PTGFR: variants seen among roughly 807,000 people sequenced by gnomAD.
PTGFR encodes the protein prostaglandin F2-alpha receptor.
Under a neutral mutation model 26.2 loss-of-function variants are expected in PTGFR, and 15 were observed. That is an observed-to-expected ratio of 0.57 (90% confidence interval 0.38 to 0.88). The LOEUF is 0.88. Among genes scored for constraint, PTGFR ranks in the 40% least tolerant of loss-of-function variants. The probability of loss-of-function intolerance (pLI) is 0.00; values close to 1 mark genes in which losing one functional copy is unlikely to be tolerated. For synonymous variants in PTGFR, 165 were observed against 151.1 expected, an observed-to-expected ratio of 1.09 and a Z score of -0.68; for missense variants, 369 against 427.2, an observed-to-expected ratio of 0.86 and a Z score of 1.20.
intron 2 of PTGFR, among the ~76,000 whole-genome samples, chr1:78,510,973 C>T (rs1019391065): frequency 1.2e-4 from 18 of 152,286 alleles, no homozygotes; most frequent in Middle Eastern, 3.4e-3. Context: ...CTCCATGTCC[C>T]ACACTCAGGG....
intron 2 of PTGFR, among the ~76,000 whole-genome samples, chr1:78,533,531 A>G (rs1211909801): frequency 2.0e-5 from 3 of 152,134 alleles, no homozygotes; most frequent in African/African-American, 7.2e-5. Context: ...CTTCAGTTAC[A>G]TTTCTGTTTT....
At chr1:78,532,510 G>GTATATATGTGTGTA (rs1650542858) in intron 2 of PTGFR, among the ~76,000 whole-genome samples, 1 of 105,562 alleles carries the variant, frequency 9.5e-6, no homozygotes, top group African/African-American at 5.3e-5. Context: ...ATTTGTGTGT[G>GTATATATGTGTGTA]TATATGTGTA....
intron 2 of PTGFR, among the ~76,000 whole-genome samples, chr1:78,496,496 AT>A (rs1649555768): frequency 6.6e-6 from 1 of 152,046 alleles, no homozygotes; most frequent in Non-Finnish European, 1.5e-5. Context: ...TTGTATTTGA[AT>A]GAACATCTGC....
At chr1:78,526,815 A>G (rs1650384870) in intron 2 of PTGFR, among the ~76,000 whole-genome samples, 1 of 152,062 alleles carries the variant, frequency 6.6e-6, no homozygotes, top group Non-Finnish European at 1.5e-5. Context: ...CATTTCAAAG[A>G]TGGGCTACAG....
At chr1:78,513,235 G>C (rs550405950) in intron 2 of PTGFR, among the ~76,000 whole-genome samples, 48 of 152,312 alleles carry the variant, frequency 3.2e-4, no homozygotes, top group Non-Finnish European at 6.2e-4. Context: ...ATGAGGGAAA[G>C]TTGGAAACTT....
At chr1:78,502,201 T>A (rs1243122635) in intron 2 of PTGFR, among the ~76,000 whole-genome samples, 2 of 152,172 alleles carry the variant, frequency 1.3e-5, no homozygotes. Context: ...GTATTAATTA[T>A]TAGATCAGAG....
chr1:78,520,902 C>G (rs1650206219), intron 2 of PTGFR, among the ~76,000 whole-genome samples: 1 of 151,978 alleles, frequency 6.6e-6, no homozygotes, highest in Non-Finnish European at 1.5e-5. Context: ...TTAACCTTGT[C>G]ATTTCATAAT....
At chr1:78,510,294 C>T (rs913276921) in intron 2 of PTGFR, among the ~76,000 whole-genome samples, 3 of 152,166 alleles carry the variant, frequency 2.0e-5, no homozygotes, top group Admixed American at 6.5e-5. Flanking sequence ...TTAATTGGCT[C>T]ATGGTTCTGC....
Position 78,540,530 on chromosome 1 carries a change from A to C in PTGFR, c.*3843A>C, listed in dbSNP as rs1158393555. On this transcript the variant is annotated 3_prime_UTR_variant, in exon 3 of 3. Coordinates refer to ENST00000370757, the MANE Select transcript of PTGFR (RefSeq NM_000959.4). Reference sequence around the variant, plus strand: ...TTGTAATCTGTAAAGATAAGGTAGAATAAATGAACTAAAAGAAATTTTAGA... The same window carrying C: ...TTGTAATCTGTAAAGATAAGGTAGACTAAATGAACTAAAAGAAATTTTAGA... Among the ~76,000 whole-genome samples the C allele has an allele frequency of 6.6e-6, 1 of 152,126 alleles. No homozygotes were observed. Among genetic ancestry groups the C allele is most frequent in the Non-Finnish European group, 1.5e-5 (1 of 68,006 alleles).
rs1169068907 is a variant in PTGFR, at chr1:78,538,443, G to A, written c.*1756G>A. 1 of 151,628 alleles carries A rather than the reference G, an allele frequency of 6.6e-6. No homozygotes were observed. The highest frequency in any genetic ancestry group is 2.1e-4 in the South Asian group (1 of 4,812). The allele number at this position is 151,628 out of a possible 1,614,324, so 9.4% of individuals were successfully genotyped here. ...GTGAGAGAGATGTGTACATATCTTA[G>A]GAGGGTTATCTATGTTATCTGAGTA... On this transcript the variant is annotated 3_prime_UTR_variant, in exon 3 of 3. Coordinates refer to ENST00000370757, the MANE Select transcript of PTGFR (RefSeq NM_000959.4).
At chr1:78,524,626 A>G (rs1650324400) in intron 2 of PTGFR, among the ~76,000 whole-genome samples, 1 of 152,094 alleles carries the variant, frequency 6.6e-6, no homozygotes, top group Admixed American at 6.6e-5. Context: ...ACAATGTCCT[A>G]ACTAAAGGAG....
chr1:78,533,553 C>T (rs1183864734), intron 2 of PTGFR, among the ~76,000 whole-genome samples: 1 of 152,154 alleles, frequency 6.6e-6, no homozygotes, highest in East Asian at 1.9e-4. Flanking sequence ...CTCACATTAA[C>T]TTGGGTCTTG....
At chr1:78,512,851 T>C (rs1208897225) in intron 2 of PTGFR, among the ~76,000 whole-genome samples, 2 of 152,132 alleles carry the variant, frequency 1.3e-5, no homozygotes, top group Non-Finnish European at 2.9e-5. Flanking sequence ...GGTTGTGATA[T>C]CTGGCATGAT....
chr1:78,532,406 GTGTA>G (rs1650536343), intron 2 of PTGFR: 6 of 113,178 alleles, frequency 5.3e-5, no homozygotes, highest in East Asian at 2.8e-4. Flanking sequence ...ATGTATATAT[GTGTA>G]TATATATGTG....
At chr1:78,518,771 T>A (rs1650156415) in intron 2 of PTGFR, among the ~76,000 whole-genome samples, 1 of 152,162 alleles carries the variant, frequency 6.6e-6, no homozygotes, top group East Asian at 1.9e-4. Flanking sequence ...TCCCATCATT[T>A]CAAATGTGTA....
At chr1:78,534,863 T>C (rs935621667) in intron 2 of PTGFR, among the ~76,000 whole-genome samples, 9 of 152,190 alleles carry the variant, frequency 5.9e-5, no homozygotes, top group African/African-American at 2.2e-4. Context: ...ATTATCAATA[T>C]TATGAATGTA....
intron 2 of PTGFR, among the ~76,000 whole-genome samples, chr1:78,532,731 C>T (rs947989162): frequency 1.3e-5 from 2 of 151,398 alleles, no homozygotes; most frequent in African/African-American, 4.9e-5. Flanking sequence ...CCATGCCTGG[C>T]TAGTAAATTC....
Position 78,493,141 on chromosome 1 carries a change from G to C in PTGFR, c.398G>C (p.Arg133Pro). Residue 133 changes from arginine to proline, a missense_variant, in exon 2 of 3, where the codon CGG becomes CCG. By Grantham distance (103) the Arg-to-Pro change is moderately radical (BLOSUM62 -2). Transcript: ENST00000370757. ...LLLGSVMAIE[R>P]CIGVTKPIFH... Reference sequence around the variant, plus strand: ...CTAGGCAGTGTGATGGCCATTGAGCGGTGTATTGGAGTCACAAAACCAATA... The same window carrying C: ...CTAGGCAGTGTGATGGCCATTGAGCCGTGTATTGGAGTCACAAAACCAATA... 1 of 1,614,168 alleles carries C rather than the reference G, an allele frequency of 6.2e-7. No homozygotes were observed. The highest frequency in any genetic ancestry group is 8.5e-7 in the Non-Finnish European group (1 of 1,180,020).
chr1:78,526,133 A>G (rs1650368227), intron 2 of PTGFR, among the ~76,000 whole-genome samples: 1 of 152,112 alleles, frequency 6.6e-6, no homozygotes, highest in South Asian at 2.1e-4. Context: ...CCAACATTGC[A>G]AGAATTATAC....
Sources: gnomAD v4.1 joint callset for allele counts (sites outside exome capture counted in the v4.1 genomes callset) on GRCh38, gnomAD v4.1.1 for gene constraint, MANE v1.5 for transcripts, NCBI Gene and HGNC (gene_info 2026-07-23, HGNC 2026-07-21) for gene names.